Variants in PICALM observed in about 807,000 individuals in gnomAD.
The protein encoded by PICALM is phosphatidylinositol-binding clathrin assembly protein.
Under a neutral mutation model 80.5 loss-of-function variants are expected in PICALM, and 40 were observed. The ratio of observed to expected loss-of-function variants is 0.50; its 90% CI spans 0.39 to 0.65. The LOEUF is 0.65. Ranked by LOEUF, PICALM falls within the 30% of genes least tolerant of loss-of-function variation. PICALM has a pLI of 0.00. For missense variants in PICALM, 676 were observed against 778.9 expected, an observed-to-expected ratio of 0.87 and a Z score of 1.57; for synonymous variants, 288 against 260.3, an observed-to-expected ratio of 1.11 and a Z score of -1.02.
rs151035490 is a variant in PICALM, at chr11:85,996,869, T to G, written c.1215A>C (p.Val405=). 11 of 1,612,790 alleles carry G rather than the reference T, an allele frequency of 6.8e-6. No individual in the cohort carries two copies. The highest frequency in any genetic ancestry group is 2.5e-6 in the Non-Finnish European group (3 of 1,179,090). The change falls in exon 12 of 20, where the codon GTA becomes GTC. Residue 405 remains valine, a synonymous_variant. Transcript: ENST00000393346. The part of the protein sequence containing the change: ...DLQQPTFHPS[V]HPMSTASQVA... ...CCTGAGAAGCAGTTGACATAGGATG[T>G]ACAGATGGGTGAAAAGTTGGCTGCT... is the stretch of plus-strand genomic sequence containing the variant.
intron 19 of PICALM, chr11:85,960,779 TG>T (rs1565186933): frequency 1.6e-6 from 2 of 1,266,692 alleles, no homozygotes; most frequent in Non-Finnish European, 2.0e-6. Context: ...TGCCGACAGC[TG>T]GGGGAAAAGA....
intron 1 of PICALM, among the ~76,000 whole-genome samples, chr11:86,039,142 A>C (rs1211012224): frequency 6.6e-6 from 1 of 152,122 alleles, no homozygotes; most frequent in Non-Finnish European, 1.5e-5. Context: ...GTAGGAAAAA[A>C]ATCAGTATAT....
chr11:86,062,343 C>A (rs1466623734), intron 1 of PICALM, among the ~76,000 whole-genome samples: 1 of 152,026 alleles, frequency 6.6e-6, no homozygotes, highest in Middle Eastern at 3.2e-3. Context: ...ATGGTGAAGC[C>A]CCATCTCTAT....
intron 13 of PICALM, among the ~76,000 whole-genome samples, chr11:85,987,792 A>C (rs2094623613): frequency 6.6e-6 from 1 of 152,212 alleles, no homozygotes; most frequent in Non-Finnish European, 1.5e-5. Flanking sequence ...TTTTAGTAGT[A>C]GTCATTTTGA....
intron 1 of PICALM, among the ~76,000 whole-genome samples, chr11:86,036,176 T>A (rs1348787915): frequency 6.6e-6 from 1 of 152,182 alleles, no homozygotes; most frequent in Non-Finnish European, 1.5e-5. Flanking sequence ...AAAATTGTTT[T>A]AAGTATTTCA....
chr11:85,985,940 T>C (rs572649276), intron 13 of PICALM, among the ~76,000 whole-genome samples: 21 of 152,302 alleles, frequency 1.4e-4, no homozygotes, highest in African/African-American at 4.8e-4. Flanking sequence ...CTATCCTTTA[T>C]AGTCACACAG....
chr11:85,964,386 C>T (rs933798966), intron 19 of PICALM, among the ~76,000 whole-genome samples: 1 of 152,254 alleles, frequency 6.6e-6, no homozygotes, highest in Admixed American at 6.5e-5. Context: ...ATTGTACTCC[C>T]TTTGCCTGGA....
At chr11:86,009,121 A>G (rs1231433515) in intron 7 of PICALM, among the ~76,000 whole-genome samples, 4 of 151,032 alleles carry the variant, frequency 2.6e-5, no homozygotes, top group African/African-American at 7.3e-5. Context: ...CCCGGCCAAC[A>G]TGGTGAAACC....
chr11:86,005,311 T>C (rs1439432529), intron 8 of PICALM, among the ~76,000 whole-genome samples: 2 of 152,186 alleles, frequency 1.3e-5, no homozygotes, highest in African/African-American at 4.8e-5. Context: ...CAAATAAAAA[T>C]ATTAAACTAC....
intron 4 of PICALM, among the ~76,000 whole-genome samples, chr11:86,017,686 A>G (rs2095502412): frequency 6.6e-6 from 1 of 152,218 alleles, no homozygotes; most frequent in Non-Finnish European, 1.5e-5. Flanking sequence ...TAAGTGTGCC[A>G]AGATGTTGAT....
chr11:85,989,033 T>C (rs1592615269), intron 13 of PICALM, among the ~76,000 whole-genome samples: 1 of 152,172 alleles, frequency 6.6e-6, no homozygotes, highest in South Asian at 2.1e-4. Context: ...TACAATTCAG[T>C]GTTCTTAAAG....
At chr11:86,023,724 G>A (rs2095603776) in intron 3 of PICALM, among the ~76,000 whole-genome samples, 1 of 152,218 alleles carries the variant, frequency 6.6e-6, no homozygotes, top group African/African-American at 2.4e-5. Flanking sequence ...AAAATGAACT[G>A]AATGAGGGAG....
intron 1 of PICALM, among the ~76,000 whole-genome samples, chr11:86,033,423 ACTCTTAT>A (rs2136836374): frequency 6.6e-6 from 1 of 152,076 alleles, no homozygotes; most frequent in Admixed American, 6.5e-5. Flanking sequence ...TATGCCAAGC[ACTCTTAT>A]CTCAGGTGTT....
intron 2 of PICALM, among the ~76,000 whole-genome samples, chr11:86,027,735 G>A (rs1258739347): frequency 6.6e-6 from 1 of 151,960 alleles, no homozygotes; most frequent in African/African-American, 2.4e-5. Context: ...TGCCTAGGCT[G>A]GTCTGGAACT....
At position 85,981,133 on chromosome 11, in the gene PICALM, G is replaced by A; in HGVS notation, c.1775C>T (p.Thr592Ile). Residue 592 changes from threonine to isoleucine, a missense_variant, in exon 17 of 20, where the codon ACA (threonine) becomes ATA (isoleucine). Transcript: ENST00000393346. ...TCAGGAGCTTTTTCAACTCACCATT[G>A]TTGCAGCATTCCAAGCGGTTGTTGG... is the stretch of plus-strand genomic sequence containing the variant. ...VAPTTAWNAA[T>I]MAPPVMAYPA... 6.6e-7 allele frequency: 1 copy of A among 1,523,438 alleles called. No individual in the cohort carries two copies. The highest frequency in any genetic ancestry group is 9.1e-7 in the Non-Finnish European group (1 of 1,098,270). The allele number at this position is 1,523,438 out of a possible 1,614,324, so 94.4% of individuals were successfully genotyped here.
chr11:86,048,335 T>C (rs1223656527), intron 1 of PICALM, among the ~76,000 whole-genome samples: 1 of 152,164 alleles, frequency 6.6e-6, no homozygotes, highest in African/African-American at 2.4e-5. Context: ...CAGAAACCAC[T>C]TGAAGATAGT....
intron 9 of PICALM, among the ~76,000 whole-genome samples, 154 bp from the exon 10 acceptor site, chr11:86,001,312 T>C (rs545106374): frequency 3.0e-4 from 45 of 152,244 alleles, no homozygotes; most frequent in Non-Finnish European, 5.0e-4. Flanking sequence ...TGAAATATTC[T>C]ACCTAGTGAT....
At chr11:85,989,675 A>G (rs2094699642) in intron 13 of PICALM, among the ~76,000 whole-genome samples, 1 of 152,154 alleles carries the variant, frequency 6.6e-6, no homozygotes, top group African/African-American at 2.4e-5. Context: ...TTTCTGCTTT[A>G]CTATTTAAAA....
At chr11:85,959,591 C>T (rs553793752) in intron 19 of PICALM, among the ~76,000 whole-genome samples, 1 of 138,136 alleles carries the variant, frequency 7.2e-6, no homozygotes, top group Non-Finnish European at 1.5e-5. Context: ...TGAGATCGTG[C>T]CACTGCACTC....
Sources: gnomAD v4.1 joint callset for allele counts (sites outside exome capture counted in the v4.1 genomes callset) on GRCh38, gnomAD v4.1.1 for gene constraint, MANE v1.5 for transcripts, NCBI Gene and HGNC (gene_info 2026-07-23, HGNC 2026-07-21) for gene names.